ANGPT2: variants seen among roughly 807,000 people sequenced by gnomAD.
ANGPT2 encodes angiopoietin-2.
A neutral mutation model predicts 62.9 loss-of-function variants in ANGPT2; 28 were observed. That is an observed-to-expected ratio of 0.44 (90% confidence interval 0.33 to 0.61). ANGPT2 has a LOEUF of 0.61. Among genes scored for constraint, ANGPT2 ranks in the 20% least tolerant of loss-of-function variants. The probability of loss-of-function intolerance (pLI) is 0.03; values close to 1 mark genes in which losing one functional copy is unlikely to be tolerated. For missense variants in ANGPT2, 727 were observed against 594.9 expected (o/e 1.22, Z -2.31); for synonymous variants, 284 against 207.8 (o/e 1.37, Z -3.15).
intron 3 of ANGPT2, among the ~76,000 whole-genome samples, chr8:6,525,258 A>C (rs1818119977): frequency 6.6e-6 from 1 of 152,112 alleles, no homozygotes; most frequent in South Asian, 2.1e-4. Context: ...GATCGTTGTA[A>C]ATTAGTATGT....
In ANGPT2 at chr8:6,562,919, A is replaced by C; in HGVS notation, c.16T>G (p.Phe6Val). 6.3e-7 allele frequency: 1 copy of C among 1,590,536 alleles called. No individual in the cohort carries two copies. The highest frequency in any genetic ancestry group is 8.6e-7 in the Non-Finnish European group (1 of 1,161,230). Reference sequence around the variant, plus strand: ...ACAAGATCACAGCTCAGAGTAAAGAAAACAATCTGCCACATTCTTTCTTCA... The same window carrying C: ...ACAAGATCACAGCTCAGAGTAAAGACAACAATCTGCCACATTCTTTCTTCA... MWQIV[F>V]FTLSCDLVLA... Residue 6 changes from phenylalanine to valine, a missense_variant, in exon 1 of 9, where the codon TTC becomes GTC. Phe to Val is a conservative substitution (Grantham distance 50). Transcript: ENST00000629816.
chr8:6,529,160 A>G (rs2129571105), intron 2 of ANGPT2, among the ~76,000 whole-genome samples: 1 of 152,332 alleles, frequency 6.6e-6, no homozygotes, highest in South Asian at 2.1e-4. Flanking sequence ...TCTGGAGAGC[A>G]TCAAACCGCT....
At chr8:6,508,609 T>G (rs1398216567) in intron 8 of ANGPT2, 1 of 471,830 alleles carries the variant, frequency 2.1e-6, no homozygotes, top group African/African-American at 2.0e-5. Context: ...TAAAGCAAAA[T>G]GTAATTAAAC....
At chr8:6,556,294 T>G (rs3020231) in intron 1 of ANGPT2, among the ~76,000 whole-genome samples, 20,085 of 152,190 alleles carry the variant, frequency 0.13, 3,655 homozygotes, top group African/African-American at 0.41. Flanking sequence ...TAATTATACC[T>G]GATATTTACT....
chr8:6,548,096 C>T (rs1375749393), intron 1 of ANGPT2, among the ~76,000 whole-genome samples: 1 of 152,122 alleles, frequency 6.6e-6, no homozygotes, highest in Non-Finnish European at 1.5e-5. Context: ...GCGGAAGAAC[C>T]TACATTGGAG....
At chr8:6,511,581 A>G (rs1411354260) in intron 7 of ANGPT2, among the ~76,000 whole-genome samples, 1 of 152,232 alleles carries the variant, frequency 6.6e-6, no homozygotes, top group African/African-American at 2.4e-5. Flanking sequence ...TGCTGCATAC[A>G]ACTGGCGTCT....
chr8:6,553,466 T>C (rs2959762), intron 1 of ANGPT2, among the ~76,000 whole-genome samples: 3,431 of 152,196 alleles, frequency 0.023, 134 homozygotes, highest in African/African-American at 0.074. Context: ...CTAATGGTAA[T>C]TGCGTCGGCT....
chr8:6,553,436 A>T (rs540876429), intron 1 of ANGPT2, among the ~76,000 whole-genome samples: 6 of 152,268 alleles, frequency 3.9e-5, no homozygotes, highest in Admixed American at 2.6e-4. Flanking sequence ...CCGGGAGAAT[A>T]ACTTCAGAGG....
chr8:6,550,496 G>T (rs899540125), intron 1 of ANGPT2, among the ~76,000 whole-genome samples: 2 of 152,144 alleles, frequency 1.3e-5, no homozygotes, highest in Non-Finnish European at 2.9e-5. Context: ...CGGAAACAAG[G>T]GTATGTGCCA....
At chr8:6,557,354 G>A (rs1265142378) in intron 1 of ANGPT2, among the ~76,000 whole-genome samples, 5 of 152,088 alleles carry the variant, frequency 3.3e-5, no homozygotes, top group Admixed American at 1.3e-4. Flanking sequence ...AGATATTCTC[G>A]GGGCAAAATG....
chr8:6,505,794 A>AG (rs1279178990), intron 8 of ANGPT2, among the ~76,000 whole-genome samples: 1 of 98,822 alleles, frequency 1.0e-5, no homozygotes, highest in Non-Finnish European at 2.5e-5. Context: ...ATGTATATAT[A>AG]AAAACATGCA....
chr8:6,503,200 C>A lies in ANGPT2; in HGVS notation c.1389G>T (p.Gln463His), dbSNP rs200666311. Residue 463 changes from glutamine to histidine, a missense_variant, in exon 9 of 9, where the codon CAG (glutamine) becomes CAT (histidine). By Grantham distance (24) the Gln-to-His change is conservative. Coordinates refer to ENST00000629816, the MANE Select transcript of ANGPT2 (RefSeq NM_001118887.2). ...TAATGCCGTTGAACTTATTTGTGTT[C>A]TGCCTCTGTGGATAGTACATTCCGT... The part of the protein sequence containing the change: ...NLNGMYYPQR[Q>H]NTNKFNGIKW... The A allele has an allele frequency of 6.2e-6, 10 of 1,614,128 alleles. No homozygotes were observed. In the East Asian group the frequency reaches 2.0e-4, roughly 32 times the overall value.
At chr8:6,510,096 C>G (rs927289249) in intron 7 of ANGPT2, among the ~76,000 whole-genome samples, 8 of 151,984 alleles carry the variant, frequency 5.3e-5, no homozygotes, top group African/African-American at 1.9e-4. Context: ...CATCGGTCAT[C>G]TGTGTACCAG....
At chr8:6,562,253 G>A (rs2129575868) in intron 1 of ANGPT2, among the ~76,000 whole-genome samples, 1 of 152,258 alleles carries the variant, frequency 6.6e-6, no homozygotes, top group Non-Finnish European at 1.5e-5. Context: ...GCGGCTCACA[G>A]CCTTCCCTCA....
chr8:6,512,341 T>C (rs930904292), intron 7 of ANGPT2, among the ~76,000 whole-genome samples: 2 of 152,158 alleles, frequency 1.3e-5, no homozygotes, highest in African/African-American at 2.4e-5. Flanking sequence ...ACTTTAACAT[T>C]GTGTCTCCTT....
chr8:6,558,109 G>A (rs781412490), intron 1 of ANGPT2, among the ~76,000 whole-genome samples: 3 of 151,922 alleles, frequency 2.0e-5, no homozygotes, highest in Middle Eastern at 3.4e-3. Context: ...CCAACCTCTC[G>A]TCATGTCATT....
chr8:6,521,317 T>C lies in ANGPT2; in HGVS notation c.660A>G (p.Val220=). 1 of 1,613,872 alleles carries C rather than the reference T, an allele frequency of 6.2e-7. No homozygotes were observed. The highest frequency in any genetic ancestry group is 8.5e-7 in the Non-Finnish European group (1 of 1,179,930). The stretch of plus-strand genomic sequence containing the variant: ...CTTCAATGATGGAATTTTGCTTGGA[T>C]ACTAACACCTGTAGCTGATCTTTCT... ...KEEKDQLQVL[V]SKQNSIIEEL... Residue 220 remains valine (V), a synonymous_variant, in exon 4 of 9, where the codon GTA becomes GTG. Coordinates refer to ENST00000629816, the MANE Select transcript of ANGPT2 (RefSeq NM_001118887.2).
chr8:6,539,333 CTGTTT>C (rs1336901683), intron 1 of ANGPT2, among the ~76,000 whole-genome samples: 2 of 152,194 alleles, frequency 1.3e-5, no homozygotes, highest in Non-Finnish European at 2.9e-5. Context: ...CATCTGTTGA[CTGTTT>C]TTATAGTCTT....
At chr8:6,526,932 T>A (rs1344626343) in intron 3 of ANGPT2, among the ~76,000 whole-genome samples, 4 of 152,198 alleles carry the variant, frequency 2.6e-5, no homozygotes, top group Non-Finnish European at 5.9e-5. Flanking sequence ...ATTTAAATAT[T>A]AATATAATCA....
Sources: gnomAD v4.1 joint callset for allele counts (sites outside exome capture counted in the v4.1 genomes callset) on GRCh38, gnomAD v4.1.1 for gene constraint, MANE v1.5 for transcripts, NCBI Gene and HGNC (gene_info 2026-07-23, HGNC 2026-07-21) for gene names.